Variants in SPATA16 observed in about 807,000 individuals in gnomAD.
The protein encoded by SPATA16 is spermatogenesis associated 16.
A neutral mutation model predicts 63.3 loss-of-function variants in SPATA16; 36 were observed. That is an observed-to-expected ratio of 0.57 (90% CI 0.44 to 0.75). The LOEUF (loss-of-function observed/expected upper bound fraction) is 0.75. Ranked by LOEUF, SPATA16 falls within the 30% of genes least tolerant of loss-of-function variation. SPATA16 has a pLI of 0.00. For synonymous variants in SPATA16, 203 were observed against 216.7 expected (o/e 0.94, Z 0.56); for missense variants, 646 against 679.3 (o/e 0.95, Z 0.54).
intron 2 of SPATA16, among the ~76,000 whole-genome samples, chr3:173,090,607 G>A (rs1010782363): frequency 2.0e-5 from 3 of 152,142 alleles, no homozygotes; most frequent in African/African-American, 7.2e-5. Flanking sequence ...AGCTGAGGGG[G>A]AGCCAGATTG....
At chr3:173,106,505 T>G (rs1156604120) in intron 2 of SPATA16, among the ~76,000 whole-genome samples, 1 of 152,224 alleles carries the variant, frequency 6.6e-6, no homozygotes, top group Non-Finnish European at 1.5e-5. Flanking sequence ...ACAATGTTGC[T>G]AATGTAGTAA....
chr3:173,039,832 A>G (rs1735796799), intron 3 of SPATA16, among the ~76,000 whole-genome samples: 1 of 152,094 alleles, frequency 6.6e-6, no homozygotes, highest in African/African-American at 2.4e-5. Flanking sequence ...AGCTATTTTA[A>G]TTAATAATTG....
intron 2 of SPATA16, among the ~76,000 whole-genome samples, chr3:173,057,063 T>A (rs1736250904): frequency 6.6e-6 from 1 of 151,902 alleles, no homozygotes; most frequent in African/African-American, 2.4e-5. Context: ...TTCGGTTACA[T>A]CTCTGATTAT....
chr3:172,891,724 C>T (rs1394383283), intron 10 of SPATA16, among the ~76,000 whole-genome samples: 3 of 152,150 alleles, frequency 2.0e-5, no homozygotes, highest in Non-Finnish European at 2.9e-5. Flanking sequence ...CTGAGCACAG[C>T]CATGCATTGT....
chr3:173,140,810 C>G lies in SPATA16; in HGVS notation c.-19+293G>C, dbSNP rs1193588313. ...CTGTTATTGGGAAACCAAGTGGGATCTTAGTCTTTACTTTCTCACCAGAGT... is the reference window on the plus strand; with the variant it reads ...CTGTTATTGGGAAACCAAGTGGGATGTTAGTCTTTACTTTCTCACCAGAGT... On this transcript the variant is annotated intron_variant, in intron 1 of 10. Coordinates refer to ENST00000351008, the MANE Select transcript of SPATA16 (RefSeq NM_031955.6). 5.3e-5 allele frequency among the ~76,000 whole-genome samples: 8 copies of G among 152,144 alleles called. No individual in the cohort carries two copies. The South Asian group carries it at 1.7e-3, about 32-fold the overall frequency.
intron 6 of SPATA16, among the ~76,000 whole-genome samples, chr3:172,946,779 A>G (rs1162095995): frequency 6.6e-6 from 1 of 152,112 alleles, no homozygotes; most frequent in African/African-American, 2.4e-5. Context: ...ACCACCCTGA[A>G]GGGAAGGACG....
chr3:173,001,268 G>GTTTTTTTTTTTGT (rs56882833), intron 4 of SPATA16, among the ~76,000 whole-genome samples: 9,612 of 137,334 alleles, frequency 0.07, 1,157 homozygotes, highest in African/African-American at 0.24. Flanking sequence ...CTTCTCAGTT[G>GTTTTTTTTTTTGT]TTTTTTTTTT....
chr3:173,105,799 C>G (rs1296640736), intron 2 of SPATA16, among the ~76,000 whole-genome samples: 1 of 23,318 alleles, frequency 4.3e-5, no homozygotes, highest in Non-Finnish European at 7.4e-5. Flanking sequence ...CTCCCTCTCT[C>G]CCTTCCTCCC....
At chr3:173,006,339 A>T (rs1734945755) in intron 4 of SPATA16, among the ~76,000 whole-genome samples, 1 of 152,246 alleles carries the variant, frequency 6.6e-6, no homozygotes, top group African/African-American at 2.4e-5. Flanking sequence ...AATGCCTTGA[A>T]TAAAGAGAAA....
intron 10 of SPATA16, 52 bp from the exon 11 acceptor site, chr3:172,889,744 T>C: frequency 6.2e-7 from 1 of 1,603,080 alleles, no homozygotes. Flanking sequence ...TCCTGGGTTT[T>C]GTATACTTAT....
At chr3:173,011,434 G>A (rs772396260) in intron 4 of SPATA16, among the ~76,000 whole-genome samples, 1 of 152,134 alleles carries the variant, frequency 6.6e-6, no homozygotes, top group African/African-American at 2.4e-5. Flanking sequence ...AGCCATCTAT[G>A]ACAAACCTGG....
rs142975309 is a variant in SPATA16, at chr3:173,081,562, A to T, written c.613-32468T>A. On this transcript the variant is annotated intron_variant, in intron 2 of 10. Coordinates refer to ENST00000351008, the MANE Select transcript of SPATA16 (RefSeq NM_031955.6). The stretch of plus-strand genomic sequence containing the variant: ...TTGTGATAAATGAATGTGTATTTTA[A>T]CAAGCAGGGGGCAATTTTATGAAAC... Among the ~76,000 whole-genome samples the T allele has an allele frequency of 7.5e-4, 114 of 152,328 alleles. 1 individual carries two copies. The highest frequency in any genetic ancestry group is 2.6e-3 in the African/African-American group (110 of 41,588).
chr3:173,042,320 C>T (rs1577145208), intron 3 of SPATA16, among the ~76,000 whole-genome samples: 1 of 152,224 alleles, frequency 6.6e-6, no homozygotes, highest in Middle Eastern at 3.4e-3. Flanking sequence ...CTCCCGGGTT[C>T]AAGTGATTCT....
intron 4 of SPATA16, among the ~76,000 whole-genome samples, chr3:172,990,622 A>G (rs2108260393): frequency 6.6e-6 from 1 of 152,280 alleles, no homozygotes; most frequent in Non-Finnish European, 1.5e-5. Context: ...CTCTTGCTTC[A>G]TGAAGGGCAC....
At chr3:173,115,052 G>A (rs972463480) in intron 2 of SPATA16, among the ~76,000 whole-genome samples, 1 of 152,036 alleles carries the variant, frequency 6.6e-6, no homozygotes, top group Non-Finnish European at 1.5e-5. Flanking sequence ...ACTTTCCTTA[G>A]AACCCTGGGA....
chr3:172,945,839 G>A (rs1733271101), intron 6 of SPATA16, among the ~76,000 whole-genome samples: 1 of 152,210 alleles, frequency 6.6e-6, no homozygotes, highest in East Asian at 1.9e-4. Flanking sequence ...TATTGGGTAA[G>A]TTCTGGCGCT....
At chr3:173,007,466 A>G (rs570781443) in intron 4 of SPATA16, among the ~76,000 whole-genome samples, 19 of 152,336 alleles carry the variant, frequency 1.2e-4, no homozygotes, top group Admixed American at 3.3e-4. Flanking sequence ...GAAAATTCTT[A>G]GTGTAGTGGT....
At chr3:172,999,498 C>T (rs1194729787) in intron 4 of SPATA16, among the ~76,000 whole-genome samples, 1 of 152,138 alleles carries the variant, frequency 6.6e-6, no homozygotes, top group Non-Finnish European at 1.5e-5. Flanking sequence ...ATTGTAACCT[C>T]TACCTCCCTG....
chr3:173,134,494 AG>A (rs373877047), intron 1 of SPATA16, among the ~76,000 whole-genome samples: 55 of 151,002 alleles, frequency 3.6e-4, no homozygotes, highest in African/African-American at 6.3e-4. Context: ...GCCTCAAAAA[AG>A]AAAAAAAAAA....
Sources: allele counts gnomAD v4.1 joint callset (sites outside exome capture counted in the v4.1 genomes callset), GRCh38; gene constraint gnomAD v4.1.1; transcripts MANE v1.5; gene names NCBI Gene and HGNC (gene_info 2026-07-23, HGNC 2026-07-21).